Variants in KDM6A observed in about 807,000 individuals in gnomAD.
KDM6A encodes the protein lysine demethylase 6A.
KDM6A carries 11 observed loss-of-function variants against 117.6 expected under a neutral mutation model. The observed-to-expected ratio is 0.09, with a 90% CI of 0.06 to 0.15. The LOEUF (loss-of-function observed/expected upper bound fraction) is 0.15. Ranked by LOEUF, KDM6A falls within the 10% of genes least tolerant of loss-of-function variation. The pLI is 1.00. For missense variants in KDM6A, 799 were observed against 1,077.3 expected, an observed-to-expected ratio of 0.74 and a Z score of 3.62; for synonymous variants, 384 against 396.1, an observed-to-expected ratio of 0.97 and a Z score of 0.36.
rs2148050293 is a variant in KDM6A, at chrX:45,070,080, A to T, written c.2581A>T (p.Thr861Ser). The T allele has an allele frequency of 8.3e-7, 1 of 1,211,867 alleles. No homozygotes were observed. Among genetic ancestry groups the T allele is most frequent in the Non-Finnish European group, 1.1e-6 (1 of 895,473 alleles). Reference protein sequence around the residue: ...KVNNIHPAVHTKTDNSVASSP... With the variant: ...KVNNIHPAVHSKTDNSVASSP... ...CAATAACATCCACCCAGCTGTTCAT[A>T]CAAAGACTGATAACTCTGTTGCCTC... The change falls in exon 18 of 30, where the codon ACA becomes TCA. Residue 861 changes from threonine (T) to serine (S), a missense_variant. Thr to Ser is a moderately conservative substitution (Grantham distance 58). Coordinates refer to ENST00000611820, the MANE Select transcript of KDM6A (RefSeq NM_001291415.2).
rs1009131383 is a variant in KDM6A, at chrX:45,012,287, G to A, written c.443+1268G>A. ...ACGATCTTGGCTCACTGCAACCTCC[G>A]CCTCCCGGGTTCAAGCGATTCTCCT... On this transcript the variant is annotated intron_variant, in intron 5 of 29. Coordinates refer to ENST00000611820, the MANE Select transcript of KDM6A (RefSeq NM_001291415.2). Among the ~76,000 whole-genome samples, 47 of 92,059 alleles carry A rather than the reference G, an allele frequency of 5.1e-4. 1 individual carries two copies. Among genetic ancestry groups the A allele is most frequent in the Admixed American group, 1.4e-4 (1 of 7,175 alleles). 79.9% of individuals were successfully genotyped at this position (92,059 alleles called of 115,157 possible).
intron 2 of KDM6A, among the ~76,000 whole-genome samples, chrX:44,906,042 G>A (rs777201369): frequency 7.4e-4 from 83 of 112,067 alleles, no homozygotes; most frequent in African/African-American, 2.4e-3. Context: ...ACTCCTCTCA[G>A]TGATAGATTT....
At chrX:45,051,425 A>G (rs950246051) in intron 8 of KDM6A, among the ~76,000 whole-genome samples, 1 of 111,787 alleles carries the variant, frequency 8.9e-6, no homozygotes, top group African/African-American at 3.3e-5. Flanking sequence ...CACTTATGTT[A>G]TTAAATTTCA....
intron 2 of KDM6A, among the ~76,000 whole-genome samples, chrX:44,911,650 C>G (rs1484707958): frequency 9.0e-6 from 1 of 110,693 alleles, no homozygotes; most frequent in African/African-American, 3.3e-5. Context: ...GCTGCAATCT[C>G]GGCACTTTGG....
Position 45,010,995 on chromosome X carries a change from A to T in KDM6A, c.419A>T (p.Tyr140Phe). ...TTTTTATATGGTCTTGGTTTGGTCT[A>T]CTTCCATTATAATGCATTTCAGTGG... ...AAFLYGLGLV[Y>F]FHYNAFQWAI... The change falls in exon 5 of 30, where the codon TAC becomes TTC. Residue 140 changes from tyrosine to phenylalanine, a missense_variant. Tyr to Phe is a conservative substitution (Grantham distance 22). Around this residue, in one of 8 missense-constraint regions of KDM6A, gnomAD observed 89 missense variants for 117.8 expected, o/e 0.76. Coordinates refer to ENST00000611820, the MANE Select transcript of KDM6A (RefSeq NM_001291415.2). 1 of 1,201,325 alleles carries T rather than the reference A, an allele frequency of 8.3e-7. No individual in the cohort carries two copies. Among genetic ancestry groups the T allele is most frequent in the Non-Finnish European group, 1.1e-6 (1 of 886,753 alleles).
chrX:45,008,957 A>C (rs2041633795), intron 4 of KDM6A, among the ~76,000 whole-genome samples: 1 of 111,810 alleles, frequency 8.9e-6, no homozygotes, highest in Non-Finnish European at 1.9e-5. Context: ...AATGTATTTA[A>C]GAAACTTAGT....
chrX:44,905,134 A>G (rs200658331), intron 2 of KDM6A, among the ~76,000 whole-genome samples: 1 of 111,771 alleles, frequency 8.9e-6, no homozygotes, highest in African/African-American at 3.3e-5. Flanking sequence ...TATGTTGAAA[A>G]TTTTGGTTCT....
rs887384742 is a variant in KDM6A, at chrX:44,919,163, T to C, written c.226-42121T>C. ...TATCTTAGTATGATCTATTTGTTAC[T>C]ATTAATGAACCAATATTGATACTTT... On this transcript the variant is annotated intron_variant, in intron 2 of 29. Coordinates refer to ENST00000611820, the MANE Select transcript of KDM6A (RefSeq NM_001291415.2). Among the ~76,000 whole-genome samples the C allele has an allele frequency of 1.3e-3, 144 of 112,002 alleles. 1 individual carries two copies. Among genetic ancestry groups the C allele is most frequent in the Middle Eastern group, 4.6e-3 (1 of 217 alleles).
chrX:45,027,195 G>C (rs1465971417), intron 6 of KDM6A, among the ~76,000 whole-genome samples: 2 of 108,275 alleles, frequency 1.8e-5, no homozygotes. Context: ...AAAGTTTAGG[G>C]CTGGGCTCAG....
chrX:45,088,084 C>T lies in KDM6A; in HGVS notation c.3705-1659C>T, dbSNP rs781654139. On this transcript the variant is annotated intron_variant, in intron 25 of 29. Coordinates refer to ENST00000611820, the MANE Select transcript of KDM6A (RefSeq NM_001291415.2). Reference sequence around the variant, plus strand: ...GGGGGTGTCTGTTTGGGATTACTTGCTTGCTTTTGGATAAAAAGTTTTCTC... The same window carrying T: ...GGGGGTGTCTGTTTGGGATTACTTGTTTGCTTTTGGATAAAAAGTTTTCTC... Among the ~76,000 whole-genome samples the T allele has an allele frequency of 7.2e-5, 8 of 111,105 alleles. 1 individual carries two copies. In the South Asian group the frequency reaches 3.0e-3, roughly 42 times the overall value.
chrX:44,981,841 T>C (rs1312104395), intron 4 of KDM6A, among the ~76,000 whole-genome samples: 1 of 111,757 alleles, frequency 8.9e-6, no homozygotes, highest in African/African-American at 3.2e-5. Context: ...CCCAGCACTT[T>C]GGGAGGCCGA....
At chrX:45,003,621 C>CAATTATAAGACCTAT (rs2041266492) in intron 4 of KDM6A, among the ~76,000 whole-genome samples, 1 of 109,983 alleles carries the variant, frequency 9.1e-6, no homozygotes, top group South Asian at 3.8e-4. Context: ...AGAAGACCTT[C>CAATTATAAGACCTAT]AATTATCAAT....
chrX:45,093,933 T>C lies in KDM6A; in HGVS notation c.4034+3069T>C, dbSNP rs1185853735. 4.5e-5 allele frequency among the ~76,000 whole-genome samples: 5 copies of C among 111,263 alleles called. No individual in the cohort carries two copies. In the East Asian group the frequency reaches 1.4e-3, roughly 31 times the overall value. ...TTACATTCTTATCTATACTCCATTT[T>C]GCCCTACGCTACAAAATGTCTCATC... On this transcript the variant is annotated intron_variant, in intron 27 of 29. Coordinates refer to ENST00000611820, the MANE Select transcript of KDM6A (RefSeq NM_001291415.2).
intron 2 of KDM6A, among the ~76,000 whole-genome samples, chrX:44,916,606 A>G (rs1384974661): frequency 9.0e-6 from 1 of 110,974 alleles, no homozygotes. Context: ...GTAGTATACC[A>G]TATTTTCTCT....
At position 45,046,364 on chromosome X, in the gene KDM6A, C is replaced by A. The variant is rs779080196; in HGVS notation, c.655-5345C>A. ...TTTACTTAAGGCCAAATTCTAGAGA[C>A]CTTTTCACTAGAATCAGGAGCAAGG... On this transcript the variant is annotated intron_variant, in intron 8 of 29. Coordinates refer to ENST00000611820, the MANE Select transcript of KDM6A (RefSeq NM_001291415.2). Among the ~76,000 whole-genome samples the A allele has an allele frequency of 4.5e-5, 5 of 111,805 alleles. No individual in the cohort carries two copies. In the South Asian group the frequency reaches 1.8e-3, roughly 41 times the overall value.
intron 6 of KDM6A, among the ~76,000 whole-genome samples, chrX:45,033,277 G>A (rs1243435204): frequency 1.8e-5 from 2 of 112,126 alleles, no homozygotes; most frequent in East Asian, 5.6e-4. Flanking sequence ...CTATTGCTAT[G>A]GTAGCACACT....
chrX:45,002,501 A>G (rs2147502767), intron 4 of KDM6A, among the ~76,000 whole-genome samples: 1 of 112,310 alleles, frequency 8.9e-6, no homozygotes. Flanking sequence ...AAATTGCTCA[A>G]ACCTTTAAAA....
At chrX:45,080,320 A>G (rs1180872378) in intron 21 of KDM6A, among the ~76,000 whole-genome samples, 5 of 111,851 alleles carry the variant, frequency 4.5e-5, no homozygotes, top group Non-Finnish European at 9.4e-5. Flanking sequence ...AAATGTAAAA[A>G]TAATCAGGAT....
intron 2 of KDM6A, among the ~76,000 whole-genome samples, chrX:44,917,833 A>G (rs1021719344): frequency 5.3e-5 from 6 of 112,151 alleles, no homozygotes; most frequent in African/African-American, 1.9e-4. Flanking sequence ...TTGGGGTTTT[A>G]TTTTTAATCT....
Sources: gnomAD v4.1 joint callset for allele counts (sites outside exome capture counted in the v4.1 genomes callset) on GRCh38, gnomAD v4.1.1 for gene constraint, gnomAD v4.1.1 regional missense constraint, MANE v1.5 for transcripts, NCBI Gene and HGNC (gene_info 2026-07-23, HGNC 2026-07-21) for gene names.